The following IQGAP2 variants were observed in gnomAD, a reference collection of about 807,000 sequenced individuals.
IQGAP2 encodes the protein IQ motif containing GTPase activating protein 2, also known as ras GTPase-activating-like protein IQGAP2.
Under a neutral mutation model 201.3 loss-of-function variants are expected in IQGAP2, and 173 were observed. That is an observed-to-expected ratio of 0.86 (90% CI 0.76 to 0.98). The LOEUF (loss-of-function observed/expected upper bound fraction) is 0.98, where lower values mean the gene tolerates loss of function less well. Among genes scored for constraint, IQGAP2 ranks in the 50% least tolerant of loss-of-function variants. The pLI, the probability that IQGAP2 is intolerant of heterozygous loss-of-function variation, is 0.00. For synonymous variants in IQGAP2, 675 were observed against 673.9 expected (o/e 1.00, Z -0.03); for missense variants, 1,687 against 1,864.8 (o/e 0.90, Z 1.76).
At chr5:76,549,413 TCTAA>T (rs1400794428) in intron 2 of IQGAP2, among the ~76,000 whole-genome samples, 1 of 151,462 alleles carries the variant, frequency 6.6e-6, no homozygotes, top group African/African-American at 2.4e-5. Context: ...GAATTCACAG[TCTAA>T]CTGAGTGAGC....
At chr5:76,627,050 G>C (rs1750309580) in intron 13 of IQGAP2, among the ~76,000 whole-genome samples, 1 of 152,110 alleles carries the variant, frequency 6.6e-6, no homozygotes, top group Admixed American at 6.5e-5. Context: ...CTTTGGGGAA[G>C]CTTTAAGTAG....
At chr5:76,674,859 A>G in intron 27 of IQGAP2, 150 bp downstream of exon 27, 1 of 637,142 alleles carries the variant, frequency 1.6e-6, no homozygotes, top group Non-Finnish European at 2.7e-6. Flanking sequence ...GAAAGAGGAG[A>G]GAGGGAAGTG....
intron 2 of IQGAP2, among the ~76,000 whole-genome samples, chr5:76,493,646 AT>A (rs893317463): frequency 2.6e-4 from 39 of 151,416 alleles, no homozygotes; most frequent in African/African-American, 8.5e-4. Context: ...TAATTTAGTG[AT>A]TTTTTTTCTT....
rs116663180 is a variant in IQGAP2 at position 76,555,187 on chromosome 5, G to A, written c.147-7209G>A. Among the ~76,000 whole-genome samples, 931 of 152,178 alleles carry A rather than the reference G, an allele frequency of 6.1e-3. 16 individuals carry two copies. Among genetic ancestry groups the A allele is most frequent in the African/African-American group, 0.022 (893 of 41,520 alleles). On this transcript the variant is annotated intron_variant, in intron 2 of 35. Transcript: ENST00000274364. ...TTTATGGATATAAGGTTTCTTTTTCGGTGTAAGGAAGATGTTCTAAAATTG... is the reference window on the plus strand; with the variant it reads ...TTTATGGATATAAGGTTTCTTTTTCAGTGTAAGGAAGATGTTCTAAAATTG...
chr5:76,707,102 CAATTG>C, intron 35 of IQGAP2, 93 bp from the exon 36 acceptor site: 1 of 690,248 alleles, frequency 1.4e-6, no homozygotes, highest in South Asian at 1.7e-5. Context: ...GTGATTAGGT[CAATTG>C]AATCTGACTT....
chr5:76,686,301 T>G (rs1299538025), intron 30 of IQGAP2, among the ~76,000 whole-genome samples: 1 of 151,190 alleles, frequency 6.6e-6, no homozygotes, highest in African/African-American at 2.4e-5. Context: ...CAAATGTTTT[T>G]TTTTTTTTAT....
In IQGAP2 at chr5:76,557,649, G is replaced by T. The variant is rs187531544; in HGVS notation, c.147-4747G>T. ...TAACCATATGTTAAGTACTTGCTTT[G>T]TGTAAACAGGTTGCCAGGCACAAAG... On this transcript the variant is annotated intron_variant, in intron 2 of 35. Transcript: ENST00000274364. Among the ~76,000 whole-genome samples the T allele has an allele frequency of 2.6e-5, 4 of 152,270 alleles. 1 individual carries two copies. Among genetic ancestry groups the T allele is most frequent in the Admixed American group, 2.6e-4 (4 of 15,306 alleles).
At chr5:76,538,665 C>T (rs955630830) in intron 2 of IQGAP2, among the ~76,000 whole-genome samples, 1 of 152,224 alleles carries the variant, frequency 6.6e-6, no homozygotes, top group African/African-American at 2.4e-5. Context: ...TCTCTAGGCA[C>T]TGCTTACCAC....
chr5:76,421,186 A>T (rs1244929643), intron 1 of IQGAP2, among the ~76,000 whole-genome samples: 1 of 152,230 alleles, frequency 6.6e-6, no homozygotes, highest in African/African-American at 2.4e-5. Flanking sequence ...ACTTCAAAGA[A>T]TGAAGTATCC....
chr5:76,632,505 A>C (rs570323299), intron 15 of IQGAP2, among the ~76,000 whole-genome samples: 1 of 152,194 alleles, frequency 6.6e-6, no homozygotes, highest in African/African-American at 2.4e-5. Flanking sequence ...CAGAGCCTAC[A>C]TTGTTAGCTC....
intron 1 of IQGAP2, among the ~76,000 whole-genome samples, chr5:76,418,822 G>A (rs1751558995): frequency 6.6e-6 from 1 of 152,164 alleles, no homozygotes; most frequent in South Asian, 2.1e-4. Flanking sequence ...AAGTAGGGGG[G>A]TGAGTGTGGA....
chr5:76,599,346 C>G (rs1747266113), intron 10 of IQGAP2, among the ~76,000 whole-genome samples: 1 of 152,214 alleles, frequency 6.6e-6, no homozygotes, highest in African/African-American at 2.4e-5. Flanking sequence ...TTCCACTTCT[C>G]TGGCTCTGAA....
intron 2 of IQGAP2, among the ~76,000 whole-genome samples, chr5:76,535,419 T>A (rs536651799): frequency 1.2e-4 from 18 of 152,196 alleles, no homozygotes; most frequent in South Asian, 4.2e-4. Flanking sequence ...CACAAAAAAA[T>A]TTTTTTTAAA....
intron 35 of IQGAP2, among the ~76,000 whole-genome samples, chr5:76,706,207 C>G (rs539147099): frequency 6.6e-6 from 1 of 151,942 alleles, no homozygotes; most frequent in Admixed American, 6.6e-5. Context: ...TATTATATAC[C>G]AAAAAAGTCC....
intron 2 of IQGAP2, among the ~76,000 whole-genome samples, chr5:76,530,319 G>A (rs1012481413): frequency 6.6e-6 from 1 of 152,154 alleles, no homozygotes; most frequent in African/African-American, 2.4e-5. Context: ...ACATAGAATA[G>A]GATGAGTTTC....
At chr5:76,632,089 A>G (rs922430290) in intron 15 of IQGAP2, 63 bp downstream of exon 15, 2 of 1,329,302 alleles carry the variant, frequency 1.5e-6, no homozygotes, top group Non-Finnish European at 2.0e-6. Context: ...GTGGTATTAT[A>G]TTTTCTTAAT....
intron 2 of IQGAP2, among the ~76,000 whole-genome samples, chr5:76,522,438 C>T (rs528044272): frequency 6.6e-6 from 1 of 152,170 alleles, no homozygotes; most frequent in Non-Finnish European, 1.5e-5. Context: ...CCACCTCGGC[C>T]TCCCAAAGTG....
intron 5 of IQGAP2, among the ~76,000 whole-genome samples, chr5:76,584,679 T>C (rs1746121772): frequency 6.6e-6 from 1 of 152,136 alleles, no homozygotes; most frequent in Non-Finnish European, 1.5e-5. Context: ...GAGTCCCCAG[T>C]CTGAGAAGGA....
Position 76,652,953 on chromosome 5 carries a change from A to G in IQGAP2, c.2178+120A>G, listed in dbSNP as rs569884255. 2.9e-5 allele frequency: 20 copies of G among 678,442 alleles called. No homozygotes were observed. The South Asian group carries it at 3.2e-4, about 11-fold the overall frequency. 42.0% of individuals were successfully genotyped at this position (678,442 alleles called of 1,614,324 possible). Reference sequence around the variant, plus strand: ...CATGTGAGCCTTGAAGTCAGAAGGCAGTACTGGATTTGAATCCCAGTTCTG... The same window carrying G: ...CATGTGAGCCTTGAAGTCAGAAGGCGGTACTGGATTTGAATCCCAGTTCTG... On this transcript the variant is annotated intron_variant, in intron 18 of 35. Transcript: ENST00000274364.
Sources: allele counts gnomAD v4.1 joint callset (sites outside exome capture counted in the v4.1 genomes callset), GRCh38; gene constraint gnomAD v4.1.1; transcripts MANE v1.5; gene names NCBI Gene and HGNC (gene_info 2026-07-23, HGNC 2026-07-21).